Variants in HSD17B12 observed in about 807,000 individuals in gnomAD.
HSD17B12 encodes very-long-chain 3-oxoacyl-CoA reductase.
In HSD17B12, 32 loss-of-function variants were observed where a neutral mutation model predicts 39.3. The ratio of observed to expected loss-of-function variants is 0.81; its 90% CI spans 0.61 to 1.09. The LOEUF is 1.09. HSD17B12 is among the 50% of genes least tolerant of loss of function. The pLI, the probability that HSD17B12 is intolerant of heterozygous loss-of-function variation, is 0.00. For missense variants in HSD17B12, 342 were observed against 382.9 expected (o/e 0.89, Z 0.89); for synonymous variants, 150 against 146.7 (o/e 1.02, Z -0.16).
the HSD17B12 span, chr11:43,646,417 T>C: frequency 6.6e-6 from 1 of 152,232 alleles, no homozygotes; most frequent in African/African-American, 2.4e-5. Flanking sequence ...TGTTTGGTGA[T>C]GTGGTCAAAT....
chr11:43,824,981 A>G (rs991206595), intron 6 of HSD17B12, among the ~76,000 whole-genome samples: 2 of 152,144 alleles, frequency 1.3e-5, no homozygotes, highest in Admixed American at 1.3e-4. Context: ...AAATAAAAAA[A>G]TTAGCCAGGC....
intron 1 of HSD17B12, among the ~76,000 whole-genome samples, chr11:43,701,818 T>C (rs1029668376): frequency 2.6e-5 from 4 of 152,216 alleles, no homozygotes; most frequent in Non-Finnish European, 2.9e-5. Flanking sequence ...TCTGGGTCTT[T>C]TGTGGTTCTG....
intron 3 of HSD17B12, among the ~76,000 whole-genome samples, chr11:43,782,652 G>T (rs988936095): frequency 4.0e-5 from 6 of 149,196 alleles, no homozygotes; most frequent in Admixed American, 1.4e-4. Flanking sequence ...TCCAGCCTGG[G>T]TGGCAGAGAG....
At chr11:43,748,565 C>T (rs905789017) in intron 1 of HSD17B12, among the ~76,000 whole-genome samples, 2 of 152,048 alleles carry the variant, frequency 1.3e-5, no homozygotes, top group African/African-American at 4.8e-5. Flanking sequence ...AAGCAATATT[C>T]CCATGTAACA....
chr11:43,794,829 A>G (rs1031383910), intron 3 of HSD17B12, among the ~76,000 whole-genome samples: 6 of 152,164 alleles, frequency 3.9e-5, no homozygotes, highest in Non-Finnish European at 4.4e-5. Flanking sequence ...TTTATCCTAC[A>G]CACTTGTGGG....
intron 1 of HSD17B12, among the ~76,000 whole-genome samples, chr11:43,682,037 C>A (rs1051341956): frequency 6.6e-6 from 1 of 152,136 alleles, no homozygotes. Context: ...GCATTGCCTG[C>A]AGACTGGGCT....
intron 7 of HSD17B12, among the ~76,000 whole-genome samples, chr11:43,834,369 T>A (rs202220587): frequency 4.5e-5 from 1 of 22,204 alleles, no homozygotes; most frequent in South Asian, 2.0e-3. Context: ...TGGGATGGAA[T>A]TTTTTTTTTT....
the HSD17B12 span, among the ~76,000 whole-genome samples, chr11:43,598,330 C>A: frequency 6.6e-6 from 1 of 152,012 alleles, no homozygotes; most frequent in Non-Finnish European, 1.5e-5. Context: ...AGATGCGGGT[C>A]TCTCTGAAAA....
At chr11:43,672,843 A>T in the HSD17B12 span, 6 of 152,218 alleles carry the variant, frequency 3.9e-5, no homozygotes, top group African/African-American at 1.4e-4. Flanking sequence ...ACCCTGGCCA[A>T]TAAATGTTAA....
chr11:43,649,033 G>T, the HSD17B12 span, among the ~76,000 whole-genome samples: 1 of 151,934 alleles, frequency 6.6e-6, no homozygotes, highest in African/African-American at 2.4e-5. Flanking sequence ...ACCTGAAATT[G>T]TTTTTAAGGA....
intron 1 of HSD17B12, among the ~76,000 whole-genome samples, chr11:43,686,494 CAA>C (rs1469986881): frequency 6.6e-6 from 1 of 151,822 alleles, no homozygotes; most frequent in African/African-American, 2.4e-5. Flanking sequence ...GAGGAAAAAC[CAA>C]AGAGGGAGGT....
At chr11:43,705,066 A>G (rs905282019) in intron 1 of HSD17B12, among the ~76,000 whole-genome samples, 12 of 152,252 alleles carry the variant, frequency 7.9e-5, no homozygotes, top group Admixed American at 2.0e-4. Flanking sequence ...ATGAAATTTT[A>G]TAATTGATTT....
intron 3 of HSD17B12, among the ~76,000 whole-genome samples, chr11:43,757,784 A>C (rs573672370): frequency 6.6e-6 from 1 of 152,138 alleles, no homozygotes; most frequent in East Asian, 1.9e-4. Context: ...AGGGCTAGAG[A>C]GATAACAATA....
chr11:43,737,924 T>G (rs537843605), intron 1 of HSD17B12, among the ~76,000 whole-genome samples: 1 of 151,946 alleles, frequency 6.6e-6, no homozygotes, highest in African/African-American at 2.4e-5. Context: ...ATACAAAAAA[T>G]TAGCCAGGCA....
At chr11:43,586,710 A>G in the HSD17B12 span, among the ~76,000 whole-genome samples, 1 of 152,232 alleles carries the variant, frequency 6.6e-6, no homozygotes, top group African/African-American at 2.4e-5. Flanking sequence ...ATTTACTGCC[A>G]AACCCTGGAT....
At chr11:43,671,084 G>C in the HSD17B12 span, among the ~76,000 whole-genome samples, 1 of 152,246 alleles carries the variant, frequency 6.6e-6, no homozygotes, top group Admixed American at 6.5e-5. Flanking sequence ...AAGTTTGCTT[G>C]CATAACTGTC....
intron 1 of HSD17B12, among the ~76,000 whole-genome samples, chr11:43,684,365 A>G (rs991913060): frequency 1.3e-5 from 2 of 152,262 alleles, no homozygotes; most frequent in Non-Finnish European, 2.9e-5. Context: ...GTCAGTTTGT[A>G]TTAAATAAAG....
chr11:43,570,876 C>T, the HSD17B12 span, among the ~76,000 whole-genome samples: 1 of 152,174 alleles, frequency 6.6e-6, no homozygotes. Flanking sequence ...CAAATGTGAA[C>T]TGAAGTCTCT....
At chr11:43,666,760 G>A in the HSD17B12 span, among the ~76,000 whole-genome samples, 26 of 152,236 alleles carry the variant, frequency 1.7e-4, no homozygotes, top group South Asian at 1.0e-3. Context: ...TGTGAATGTC[G>A]TTCACTATAC....
Sources: gnomAD v4.1 joint callset for allele counts (sites outside exome capture counted in the v4.1 genomes callset) on GRCh38, gnomAD v4.1.1 for gene constraint, MANE v1.5 for transcripts, NCBI Gene and HGNC (gene_info 2026-07-23, HGNC 2026-07-21) for gene names.